The following EGFR variants were observed in gnomAD, a reference collection of about 807,000 sequenced individuals.
EGFR encodes avian erythroblastic leukemia viral (v-erb-b) oncogene homolog.
EGFR carries 58 observed loss-of-function variants against 143.0 expected under a neutral mutation model. The observed-to-expected ratio is 0.41, with a 90% CI of 0.33 to 0.50. EGFR has a LOEUF of 0.50. Ranked by LOEUF, EGFR falls within the 20% of genes least tolerant of loss-of-function variation. The pLI, the probability that EGFR is intolerant of heterozygous loss-of-function variation, is 0.39. For missense variants in EGFR, 1,307 were observed against 1,579.0 expected, an observed-to-expected ratio of 0.83 and a Z score of 2.92; for synonymous variants, 613 against 594.4, an observed-to-expected ratio of 1.03 and a Z score of -0.45.
rs116855255 is a variant in EGFR at position 55,022,720 on chromosome 7, G to A, written c.88+3355G>A. On this transcript the variant is annotated intron_variant, in intron 1 of 27. Transcript: ENST00000275493. Reference sequence around the variant, plus strand: ...CACACTGCCGTAGCACAGAATACAAGAAACTGGCTGAGAGCTCCAATAGGC... The same window carrying A: ...CACACTGCCGTAGCACAGAATACAAAAAACTGGCTGAGAGCTCCAATAGGC... Among the ~76,000 whole-genome samples, 719 of 152,346 alleles carry A rather than the reference G, an allele frequency of 4.7e-3. 5 individuals carry two copies. Among genetic ancestry groups the A allele is most frequent in the South Asian group, 0.031 (150 of 4,828 alleles).
chr7:55,205,672 A>C lies in EGFR; in HGVS notation c.*55A>C, dbSNP rs2128975795. The C allele has an allele frequency of 6.2e-7, 1 of 1,612,976 alleles. No homozygotes were observed. The highest frequency in any genetic ancestry group is 8.5e-7 in the Non-Finnish European group (1 of 1,179,868). ...CCAGACTCTTTCGATACCCAGGACC[A>C]AGCCACAGCAGGTCCTCCATCCCAA... On this transcript the variant is annotated 3_prime_UTR_variant, in exon 28 of 28. Transcript: ENST00000275493.
intron 19 of EGFR, chr7:55,180,788 G>T (rs1422657296): frequency 1.1e-5 from 2 of 179,418 alleles, no homozygotes; most frequent in African/African-American, 2.4e-5. Flanking sequence ...CTGGCTCGGT[G>T]CTCCCCGGAT....
chr7:55,192,618 G>C, intron 21 of EGFR, 148 bp from the exon 22 acceptor site: 1 of 733,786 alleles, frequency 1.4e-6, no homozygotes, highest in Non-Finnish European at 2.4e-6. Context: ...CCTGTTGCCG[G>C]GAGGAGGCGC....
intron 27 of EGFR, 49 bp downstream of exon 27, chr7:55,202,674 A>G (rs2128973297): frequency 2.0e-6 from 3 of 1,532,864 alleles, no homozygotes; most frequent in Non-Finnish European, 2.7e-6. Flanking sequence ...TCCTCGACCC[A>G]CTCAGCAGCA....
intron 1 of EGFR, among the ~76,000 whole-genome samples, chr7:55,065,158 C>T (rs1789423187): frequency 6.6e-6 from 1 of 152,208 alleles, no homozygotes. Context: ...ATGAAGATTC[C>T]TCCCCACTTC....
chr7:55,196,693 T>A lies in EGFR; in HGVS notation c.2702-2024T>A, dbSNP rs370116613. On this transcript the variant is annotated intron_variant, in intron 22 of 27. Coordinates refer to ENST00000275493, the MANE Select transcript of EGFR (RefSeq NM_005228.5). The stretch of plus-strand genomic sequence containing the variant: ...CTTTAATCCATGTTGAGTTTATTTT[T>A]GTGTATGGTGTAAGGAAGGAGTCCA... Among the ~76,000 whole-genome samples the A allele has an allele frequency of 4.2e-3, 639 of 152,304 alleles. 5 individuals are homozygous for A. The highest frequency in any genetic ancestry group is 0.015 in the African/African-American group (617 of 41,562).
intron 24 of EGFR, 80 bp downstream of exon 24, chr7:55,200,493 A>AGGGAG: frequency 7.1e-7 from 1 of 1,403,092 alleles, no homozygotes; most frequent in South Asian, 1.2e-5. Flanking sequence ...GTCACATGCC[A>AGGGAG]GCCTGGCCTC....
At position 55,046,284 on chromosome 7, in the gene EGFR, T is replaced by G. The variant is rs550140599; in HGVS notation, c.88+26919T>G. ...TTTGCGGCTGTGTTTCTCTGAAGGCTTGGCATTAGTAGATTGAAAAGAATA... is the reference window on the plus strand; with the variant it reads ...TTTGCGGCTGTGTTTCTCTGAAGGCGTGGCATTAGTAGATTGAAAAGAATA... On this transcript the variant is annotated intron_variant, in intron 1 of 27. Transcript: ENST00000275493. Among the ~76,000 whole-genome samples the G allele has an allele frequency of 2.6e-5, 4 of 152,336 alleles. No homozygotes were observed. In the East Asian group the frequency reaches 7.7e-4, roughly 29 times the overall value.
In EGFR at chr7:55,152,550, C is replaced by T. The variant is rs373970245; in HGVS notation, c.633C>T (p.Thr211=). The T allele has an allele frequency of 3.8e-5, 62 of 1,613,966 alleles. No homozygotes were observed. The African/African-American group carries it at 7.7e-4, about 20-fold the overall frequency. ...GAGEENCQKL[T]KIICAQQCSG... is the part of the protein sequence containing the mutation. The stretch of plus-strand genomic sequence containing the variant: ...GGAACCTTTGCTCTTTTTCAGTGAC[C>T]AAAATCATCTGTGCCCAGCAGTGCT... Residue 211 remains threonine (T), a synonymous_variant, in exon 6 of 28, where the codon ACC becomes ACT. Coordinates refer to ENST00000275493, the MANE Select transcript of EGFR (RefSeq NM_005228.5).
intron 19 of EGFR, among the ~76,000 whole-genome samples, chr7:55,177,042 C>G (rs1172887443): frequency 6.6e-6 from 1 of 151,796 alleles, no homozygotes; most frequent in Non-Finnish European, 1.5e-5. Context: ...TCCCCTCTTC[C>G]CCCTCCATCA....
intron 3 of EGFR, among the ~76,000 whole-genome samples, chr7:55,145,507 G>A (rs1794714807): frequency 6.6e-6 from 1 of 152,136 alleles, no homozygotes; most frequent in Admixed American, 6.5e-5. Context: ...GAAGCCTTCA[G>A]CCCTCACTTC....
At position 55,205,782 on chromosome 7, in the gene EGFR, G is replaced by T; in HGVS notation, c.*165G>T. 1 of 1,050,100 alleles carries T rather than the reference G, an allele frequency of 9.5e-7. No individual in the cohort carries two copies. The highest frequency in any genetic ancestry group is 1.6e-5 in the African/African-American group (1 of 62,968). 65.0% of individuals were successfully genotyped at this position (1,050,100 alleles called of 1,614,324 possible). On this transcript the variant is annotated 3_prime_UTR_variant, in exon 28 of 28. Coordinates refer to ENST00000275493, the MANE Select transcript of EGFR (RefSeq NM_005228.5). ...TAGCCAGGAAGTACTTCCACCTCGG[G>T]CACATTTTGGGAAGTTGCATTCCTT...
At chr7:55,030,589 A>G (rs1463055592) in intron 1 of EGFR, among the ~76,000 whole-genome samples, 1 of 152,236 alleles carries the variant, frequency 6.6e-6, no homozygotes, top group Non-Finnish European at 1.5e-5. Context: ...AGGAGAAGGC[A>G]ACTTGATTTA....
At chr7:55,150,814 C>T (rs1249794815) in intron 4 of EGFR, among the ~76,000 whole-genome samples, 1 of 152,250 alleles carries the variant, frequency 6.6e-6, no homozygotes, top group Non-Finnish European at 1.5e-5. Flanking sequence ...CTGTGCTTCT[C>T]TCTGGTTTGG....
At chr7:55,038,250 C>T (rs905615808) in intron 1 of EGFR, among the ~76,000 whole-genome samples, 4 of 152,184 alleles carry the variant, frequency 2.6e-5, no homozygotes, top group African/African-American at 7.2e-5. Context: ...GAGACACACT[C>T]GCCCCAGTTT....
At chr7:55,136,676 A>G (rs1355946366) in intron 1 of EGFR, among the ~76,000 whole-genome samples, 1 of 152,210 alleles carries the variant, frequency 6.6e-6, no homozygotes, top group African/African-American at 2.4e-5. Context: ...TTCAATGGAA[A>G]CCATACTTCT....
At position 55,086,441 on chromosome 7, in the gene EGFR, A is replaced by G. The variant is rs544981371; in HGVS notation, c.89-55845A>G. ...GAAGCTGTGGCTTTTCTGTGAGTCA[A>G]TTCTTTCCTGGCAGCTTCTTGGAAT... On this transcript the variant is annotated intron_variant, in intron 1 of 27. Transcript: ENST00000275493. Among the ~76,000 whole-genome samples, 6 of 152,378 alleles carry G rather than the reference A, an allele frequency of 3.9e-5. No individual in the cohort carries two copies. The East Asian group carries it at 5.8e-4, about 15-fold the overall frequency.
chr7:55,114,827 G>A (rs1792731717), intron 1 of EGFR, among the ~76,000 whole-genome samples: 1 of 150,532 alleles, frequency 6.6e-6, no homozygotes, highest in African/African-American at 2.4e-5. Flanking sequence ...GCTTTTGAGA[G>A]AAGGACATTG....
At chr7:55,056,129 G>A (rs757865613) in intron 1 of EGFR, among the ~76,000 whole-genome samples, 1 of 152,172 alleles carries the variant, frequency 6.6e-6, no homozygotes, top group Non-Finnish European at 1.5e-5. Flanking sequence ...AAATCAGATA[G>A]GTGAGGGAAG....
Sources: allele counts gnomAD v4.1 joint callset (sites outside exome capture counted in the v4.1 genomes callset), GRCh38; gene constraint gnomAD v4.1.1; transcripts MANE v1.5; gene names NCBI Gene and HGNC (gene_info 2026-07-23, HGNC 2026-07-21).